Variants in IL12RB2 observed in about 807,000 individuals in gnomAD.
IL12RB2 encodes interleukin-12 receptor subunit beta-2.
Under a neutral mutation model 89.4 loss-of-function variants are expected in IL12RB2, and 82 were observed. That is an observed-to-expected ratio of 0.92 (90% CI 0.77 to 1.10). IL12RB2 has a LOEUF of 1.10. Among genes scored for constraint, IL12RB2 ranks in the 50% least tolerant of loss-of-function variants. The probability of loss-of-function intolerance (pLI) is 0.00; values close to 1 mark genes in which losing one functional copy is unlikely to be tolerated. For missense variants in IL12RB2, 963 were observed against 1,031.9 expected, an observed-to-expected ratio of 0.93 and a Z score of 0.92; for synonymous variants, 368 against 370.1, an observed-to-expected ratio of 0.99 and a Z score of 0.07.
intron 4 of IL12RB2, among the ~76,000 whole-genome samples, chr1:67,324,469 C>A (rs1374746089): frequency 2.6e-5 from 4 of 152,198 alleles, no homozygotes; most frequent in African/African-American, 9.6e-5. Flanking sequence ...GATCCGCCCC[C>A]ATCAGCCTCC....
At chr1:67,320,224 T>C (rs1656312477) in intron 2 of IL12RB2, 109 bp from the exon 3 acceptor site, 13 of 1,520,126 alleles carry the variant, frequency 8.6e-6, no homozygotes, top group Non-Finnish European at 1.2e-5. Flanking sequence ...TAACAAGATC[T>C]CAACAAGGTG....
intron 4 of IL12RB2, among the ~76,000 whole-genome samples, chr1:67,324,467 C>G (rs1467104564): frequency 6.6e-6 from 1 of 152,064 alleles, no homozygotes; most frequent in Non-Finnish European, 1.5e-5. Context: ...GTGATCCGCC[C>G]CCATCAGCCT....
chr1:67,308,690 A>G (rs568809667), intron 1 of IL12RB2, among the ~76,000 whole-genome samples: 1 of 152,294 alleles, frequency 6.6e-6, no homozygotes, highest in East Asian at 1.9e-4. Context: ...TCCAGGTCTT[A>G]CAAATAGTAA....
Position 67,395,792 on chromosome 1 carries a change from G to A in IL12RB2, c.2292G>A (p.Val764=). ...TCCAAGCTGAGAGCAGACAACTGGT[G>A]GATCTGTACAAGGTGCTGGAGAGCA... ...RALQAESRQL[V]DLYKVLESRG... Residue 764 remains valine (V), a synonymous_variant, in exon 17 of 17, where the codon GTG becomes GTA. Transcript: ENST00000674203. 6.2e-7 allele frequency: 1 copy of A among 1,614,136 alleles called. No homozygotes were observed. Among genetic ancestry groups the A allele is most frequent in the Non-Finnish European group, 8.5e-7 (1 of 1,179,950 alleles).
At chr1:67,325,764 C>G (rs1418336998) in intron 4 of IL12RB2, among the ~76,000 whole-genome samples, 2 of 152,106 alleles carry the variant, frequency 1.3e-5, no homozygotes, top group Non-Finnish European at 2.9e-5. Context: ...TCAGTGTAGA[C>G]AATAGCTAGG....
At chr1:67,321,542 CT>C in intron 3 of IL12RB2, 59 bp from the exon 4 acceptor site, 1 of 1,109,748 alleles carries the variant, frequency 9.0e-7, no homozygotes. Context: ...TACATAAACT[CT>C]TCATTTTGAA....
At chr1:67,349,921 C>A (rs907090414) in intron 9 of IL12RB2, among the ~76,000 whole-genome samples, 1 of 152,186 alleles carries the variant, frequency 6.6e-6, no homozygotes, top group Non-Finnish European at 1.5e-5. Context: ...GTTAGCCCAG[C>A]CTTTCCTGAC....
intron 9 of IL12RB2, among the ~76,000 whole-genome samples, chr1:67,341,509 AG>A: frequency 7.5e-6 from 1 of 134,118 alleles, no homozygotes; most frequent in African/African-American, 2.7e-5. Flanking sequence ...GAAAGAAGAA[AG>A]AAGGAAAGAA....
chr1:67,344,378 C>T (rs536440377), intron 9 of IL12RB2, among the ~76,000 whole-genome samples: 66 of 152,260 alleles, frequency 4.3e-4, no homozygotes, highest in East Asian at 1.9e-4. Context: ...CTGCAACCTC[C>T]GCCTCCTAAG....
intron 2 of IL12RB2, among the ~76,000 whole-genome samples, chr1:67,316,630 C>T (rs1655808548): frequency 6.6e-6 from 1 of 152,144 alleles, no homozygotes; most frequent in South Asian, 2.1e-4. Context: ...TCATCACATA[C>T]CATTCTCCCT....
At position 67,337,917 on chromosome 1, in the gene IL12RB2, AG is replaced by A. The variant is rs1235866388; in HGVS notation, c.959-706del. On this transcript the variant is annotated intron_variant, in intron 8 of 16. Transcript: ENST00000674203. Reference sequence around the variant, plus strand: ...GCATTCTAGTAAAAAAAAAAAAAAAAGAAAAGAAAAGAAAAGAAAAGAACCA... The same window carrying A: ...GCATTCTAGTAAAAAAAAAAAAAAAAAAAAGAAAAGAAAAGAAAAGAACCA... Among the ~76,000 whole-genome samples, 6 of 134,062 alleles carry A rather than the reference AG, an allele frequency of 4.5e-5. No individual in the cohort carries two copies. The East Asian group carries it at 8.1e-4, about 18-fold the overall frequency. 87.9% of individuals were successfully genotyped at this position (134,062 alleles called of 152,430 possible).
At chr1:67,395,385 AT>A (rs1408829154) in intron 16 of IL12RB2, among the ~76,000 whole-genome samples, 161 bp from the exon 17 acceptor site, 1 of 152,158 alleles carries the variant, frequency 6.6e-6, no homozygotes, top group Non-Finnish European at 1.5e-5. Context: ...CTCCCCAACA[AT>A]GTTAACTGTT....
At chr1:67,327,485 G>T (rs1015339439) in intron 5 of IL12RB2, among the ~76,000 whole-genome samples, 1 of 152,102 alleles carries the variant, frequency 6.6e-6, no homozygotes, top group Non-Finnish European at 1.5e-5. Context: ...GGCTGCATAA[G>T]ATCGCTTCTC....
At position 67,396,703 on chromosome 1, in the gene IL12RB2, C is replaced by T. The variant is rs916967466; in HGVS notation, c.*614C>T. 6.5e-6 allele frequency: 1 copy of T among 154,236 alleles called. No homozygotes were observed. The highest frequency in any genetic ancestry group is 1.4e-5 in the Non-Finnish European group (1 of 69,330). The allele number at this position is 154,236 out of a possible 1,614,324, so 9.6% of individuals were successfully genotyped here. On this transcript the variant is annotated 3_prime_UTR_variant, in exon 17 of 17. Coordinates refer to ENST00000674203, the MANE Select transcript of IL12RB2 (RefSeq NM_001374259.2). ...TATTGGAGTGCACAGCTCTAGATGG[C>T]TCCTAGATTATTGAGAGCCTTCAAA...
chr1:67,313,415 A>C (rs1242939201), intron 1 of IL12RB2, among the ~76,000 whole-genome samples: 1 of 152,190 alleles, frequency 6.6e-6, no homozygotes, highest in African/African-American at 2.4e-5. Flanking sequence ...AGAGATCAAA[A>C]AATTGCAGCA....
chr1:67,341,855 C>G (rs990016645), intron 9 of IL12RB2, among the ~76,000 whole-genome samples: 3 of 152,236 alleles, frequency 2.0e-5, no homozygotes, highest in Non-Finnish European at 4.4e-5. Context: ...AGCAGTCCTG[C>G]TTTGGACCAC....
upstream of IL12RB2, chr1:67,307,635 C>G (rs1558285352): frequency 6.6e-6 from 1 of 152,306 alleles, no homozygotes; most frequent in Non-Finnish European, 1.5e-5. Context: ...AGAATCCCAC[C>G]CGAGCCCGCT....
At chr1:67,388,058 G>A (rs1055845260) in intron 15 of IL12RB2, among the ~76,000 whole-genome samples, 2 of 151,950 alleles carry the variant, frequency 1.3e-5, no homozygotes, top group Admixed American at 1.3e-4. Flanking sequence ...CACACCTGTA[G>A]TCCCGGTATT....
intron 10 of IL12RB2, among the ~76,000 whole-genome samples, chr1:67,360,326 G>A (rs1172415406): frequency 6.6e-6 from 1 of 151,806 alleles, no homozygotes; most frequent in Non-Finnish European, 1.5e-5. Flanking sequence ...TTGAACCCAG[G>A]AGGCAGAGGT....
Sources: allele counts gnomAD v4.1 joint callset (sites outside exome capture counted in the v4.1 genomes callset), GRCh38; gene constraint gnomAD v4.1.1; transcripts MANE v1.5; gene names NCBI Gene and HGNC (gene_info 2026-07-23, HGNC 2026-07-21).